The following CYB5R4 variants were observed in gnomAD, a reference collection of about 807,000 sequenced individuals.
CYB5R4 encodes N-terminal cytochrome b5 and cytochrome b5 oxidoreductase domain-containing protein.
In CYB5R4, 55 loss-of-function variants were observed where a neutral mutation model predicts 70.2. The ratio of observed to expected loss-of-function variants is 0.78; its 90% CI spans 0.63 to 0.98. CYB5R4 has a LOEUF of 0.98. CYB5R4 is among the 50% of genes least tolerant of loss of function. The pLI is 0.00. For synonymous variants in CYB5R4, 197 were observed against 199.5 expected (o/e 0.99, Z 0.11); for missense variants, 562 against 612.6 (o/e 0.92, Z 0.87).
rs1057447306 is a variant in CYB5R4 at position 83,966,888 on chromosome 6, A to C, written c.*7010A>C. The C allele has an allele frequency of 8.5e-5, 13 of 152,338 alleles. No homozygotes were observed. The highest frequency in any genetic ancestry group is 5.2e-4 in the Admixed American group (8 of 15,298). The allele number at this position is 152,338 out of a possible 1,614,324, so 9.4% of individuals were successfully genotyped here. A position where few individuals can be genotyped will look rare whatever the true frequency, so the allele number is the denominator to read the frequency against. On this transcript the variant is annotated 3_prime_UTR_variant, in exon 16 of 16. Transcript: ENST00000369681. Reference sequence around the variant, plus strand: ...AATTAATGTTGAAAGAGCACCAGAGAGTATACATCCAAAAAGACCAACATT... The same window carrying C: ...AATTAATGTTGAAAGAGCACCAGAGCGTATACATCCAAAAAGACCAACATT...
intron 1 of CYB5R4, among the ~76,000 whole-genome samples, chr6:83,862,916 A>G (rs978793051): frequency 6.6e-6 from 1 of 152,226 alleles, no homozygotes; most frequent in Non-Finnish European, 1.5e-5. Context: ...GAAAGGCACC[A>G]CAGACCTATT....
At chr6:83,870,529 A>G (rs537451647) in intron 2 of CYB5R4, among the ~76,000 whole-genome samples, 3 of 151,828 alleles carry the variant, frequency 2.0e-5, no homozygotes, top group East Asian at 1.9e-4. Flanking sequence ...TAGCAGGGAA[A>G]TTTTTCTACC....
intron 2 of CYB5R4, among the ~76,000 whole-genome samples, chr6:83,871,481 T>G (rs1479263863): frequency 1.3e-5 from 2 of 152,280 alleles, no homozygotes; most frequent in East Asian, 3.9e-4. Context: ...TTTCACTTTT[T>G]CTCTCTCTGT....
chr6:83,898,901 C>A (rs996313959), intron 3 of CYB5R4, among the ~76,000 whole-genome samples: 2 of 152,188 alleles, frequency 1.3e-5, no homozygotes, highest in African/African-American at 4.8e-5. Flanking sequence ...ACAATCATGT[C>A]ATCTGCAAAC....
chr6:83,898,890 T>C (rs2099462388), intron 3 of CYB5R4, among the ~76,000 whole-genome samples: 1 of 152,240 alleles, frequency 6.6e-6, no homozygotes, highest in African/African-American at 2.4e-5. Context: ...ATTCTAAATA[T>C]ACAATCATGT....
In CYB5R4 at chr6:83,940,161, T is replaced by C. The variant is rs1422332077; in HGVS notation, c.1214T>C (p.Met405Thr). The change falls in exon 13 of 16, where the codon ATG becomes ACG. Residue 405 changes from methionine (M) to threonine (T), a missense_variant. By Grantham distance (81) the Met-to-Thr change is moderately conservative. Transcript: ENST00000369681. Reference protein sequence around the residue: ...LLAAGTGFTPMVKILNYALTD... With the variant: ...LLAAGTGFTPTVKILNYALTD... ...GCAGCTGGAACAGGCTTCACACCAA[T>C]GGTTAAAATACTGAATTATGCTTTG... 4.3e-6 allele frequency: 7 copies of C among 1,610,858 alleles called. No individual in the cohort carries two copies. The highest frequency in any genetic ancestry group is 5.9e-6 in the Non-Finnish European group (7 of 1,177,844).
chr6:83,952,902 TC>T (rs1300955467), intron 14 of CYB5R4, among the ~76,000 whole-genome samples: 2 of 152,140 alleles, frequency 1.3e-5, no homozygotes, highest in Admixed American at 1.3e-4. Context: ...ATGTGGCAGT[TC>T]CATTTAAGTT....
intron 14 of CYB5R4, among the ~76,000 whole-genome samples, chr6:83,945,641 T>G (rs1488378975): frequency 6.6e-6 from 1 of 152,048 alleles, no homozygotes; most frequent in Non-Finnish European, 1.5e-5. Flanking sequence ...GAGCTGGTAT[T>G]TTGAAAAGAA....
intron 2 of CYB5R4, among the ~76,000 whole-genome samples, chr6:83,875,110 T>C (rs2099458318): frequency 6.6e-6 from 1 of 152,168 alleles, no homozygotes; most frequent in South Asian, 2.1e-4. Flanking sequence ...CGTGAGCCAC[T>C]GTGCCCGGCC....
intron 14 of CYB5R4, among the ~76,000 whole-genome samples, chr6:83,944,668 A>G (rs2099470283): frequency 6.6e-6 from 1 of 152,164 alleles, no homozygotes; most frequent in Non-Finnish European, 1.5e-5. Flanking sequence ...AAGACCCATC[A>G]GTGTGCCGTG....
intron 12 of CYB5R4, among the ~76,000 whole-genome samples, chr6:83,938,437 A>G (rs2099469257): frequency 6.6e-6 from 1 of 152,216 alleles, no homozygotes; most frequent in Non-Finnish European, 1.5e-5. Context: ...AAATGAATGA[A>G]CCCATACAAT....
chr6:83,921,278 A>T, intron 8 of CYB5R4, 103 bp downstream of exon 8: 2 of 1,059,704 alleles, frequency 1.9e-6, no homozygotes, highest in South Asian at 3.6e-5. Flanking sequence ...ATCTGCTGTT[A>T]CCATTTTGGT....
intron 12 of CYB5R4, among the ~76,000 whole-genome samples, chr6:83,938,578 A>G (rs942002656): frequency 3.3e-5 from 5 of 152,204 alleles, no homozygotes; most frequent in Admixed American, 2.6e-4. Flanking sequence ...AGGTCACTAG[A>G]TACATGTAAC....
At chr6:83,878,004 T>C (rs2099458840) in intron 2 of CYB5R4, among the ~76,000 whole-genome samples, 1 of 152,126 alleles carries the variant, frequency 6.6e-6, no homozygotes, top group South Asian at 2.1e-4. Context: ...TTGTATTATC[T>C]CACTCTTTCC....
intron 10 of CYB5R4, chr6:83,926,377 A>C (rs372542556): frequency 6.6e-5 from 10 of 151,382 alleles, no homozygotes; most frequent in African/African-American, 2.4e-4. Flanking sequence ...TTTTCTTAGA[A>C]TGTTATATTA....
In CYB5R4 at chr6:83,924,568, T is replaced by A; in HGVS notation, c.790T>A (p.Ser264Thr). The change falls in exon 10 of 16, where the codon TCA (serine) becomes ACA (threonine). Residue 264 changes from serine to threonine, a missense_variant. Coordinates refer to ENST00000369681, the MANE Select transcript of CYB5R4 (RefSeq NM_016230.4). ...TGGCCATCCCCTGAAGAATCATAATTCACTTATTCCAAGGAAAGATACAGG... is the reference window on the plus strand; with the variant it reads ...TGGCCATCCCCTGAAGAATCATAATACACTTATTCCAAGGAAAGATACAGG... ...FLGHPLKNHN[S>T]LIPRKDTGLY... The A allele has an allele frequency of 6.2e-7, 1 of 1,613,546 alleles. No individual in the cohort carries two copies. The highest frequency in any genetic ancestry group is 8.5e-7 in the Non-Finnish European group (1 of 1,179,696).
intron 2 of CYB5R4, among the ~76,000 whole-genome samples, chr6:83,871,137 C>G (rs911902241): frequency 6.6e-6 from 1 of 151,846 alleles, no homozygotes; most frequent in Non-Finnish European, 1.5e-5. Context: ...CAGCCATGCC[C>G]GGCTAATTTT....
At chr6:83,863,930 G>A (rs774996810) in intron 1 of CYB5R4, among the ~76,000 whole-genome samples, 1 of 152,136 alleles carries the variant, frequency 6.6e-6, no homozygotes, top group Non-Finnish European at 1.5e-5. Flanking sequence ...GTAGGGGGAA[G>A]TCCTAGGACC....
At chr6:83,947,641 A>G (rs2099470823) in intron 14 of CYB5R4, among the ~76,000 whole-genome samples, 3 of 152,216 alleles carry the variant, frequency 2.0e-5, no homozygotes, top group Admixed American at 2.0e-4. Flanking sequence ...TTTGCAATCT[A>G]TCCATCTGAC....
Sources: allele counts gnomAD v4.1 joint callset (sites outside exome capture counted in the v4.1 genomes callset), GRCh38; gene constraint gnomAD v4.1.1; transcripts MANE v1.5; gene names NCBI Gene and HGNC (gene_info 2026-07-23, HGNC 2026-07-21).